Variants in SPAG17 observed in about 807,000 individuals in gnomAD.
SPAG17 encodes sperm-associated antigen 17.
A neutral mutation model predicts 273.6 loss-of-function variants in SPAG17; 169 were observed. The ratio of observed to expected loss-of-function variants is 0.62; its 90% CI spans 0.55 to 0.70. The LOEUF (loss-of-function observed/expected upper bound fraction) is 0.70, where lower values mean the gene tolerates loss of function less well. Among genes scored for constraint, SPAG17 ranks in the 30% least tolerant of loss-of-function variants. The probability of loss-of-function intolerance (pLI) is 0.00; values close to 1 mark genes in which losing one functional copy is unlikely to be tolerated. For synonymous variants in SPAG17, 825 were observed against 873.2 expected, an observed-to-expected ratio of 0.94 and a Z score of 0.97; for missense variants, 2,557 against 2,627.8, an observed-to-expected ratio of 0.97 and a Z score of 0.59.
At chr1:117,958,563 T>C (rs1021798779) in intron 48 of SPAG17, among the ~76,000 whole-genome samples, 8 of 152,138 alleles carry the variant, frequency 5.3e-5, no homozygotes, top group African/African-American at 1.9e-4. Context: ...TAATGCATCT[T>C]TGTTAAGTTA....
intron 28 of SPAG17, 72 bp from the exon 29 acceptor site, chr1:118,016,254 T>C (rs1659968806): frequency 8.1e-7 from 1 of 1,233,010 alleles, no homozygotes; most frequent in Non-Finnish European, 1.2e-6. Context: ...ATTCACTATG[T>C]TTTGACACAG....
In SPAG17 at chr1:118,151,382, A is replaced by T; in HGVS notation, c.88-13T>A. ...CCTGCCAATCGTTCTATTAAAAATC[A>T]GACGGAATTAGATTTTAAATATTCC... On this transcript the variant is annotated splice_polypyrimidine_tract_variant and intron_variant, in intron 1 of 48. Transcript: ENST00000336338. 1 of 1,609,520 alleles carries T rather than the reference A, an allele frequency of 6.2e-7. No homozygotes were observed. The highest frequency in any genetic ancestry group is 8.5e-7 in the Non-Finnish European group (1 of 1,177,014).
rs1571077829 is a variant in SPAG17, at chr1:117,965,381, C to T, written c.6532+1228G>A. ...GTTCCTTGCCCATACATTCAGCCAT[C>T]ACCTCTGTGTAAACGATGCTTAAAA... On this transcript the variant is annotated intron_variant, in intron 47 of 48. Coordinates refer to ENST00000336338, the MANE Select transcript of SPAG17 (RefSeq NM_206996.4). 4 of 152,360 alleles carry T rather than the reference C, an allele frequency of 2.6e-5. No homozygotes were observed. The South Asian group carries it at 8.3e-4, about 32-fold the overall frequency. The allele number at this position is 152,360 out of a possible 1,614,324, so 9.4% of individuals were successfully genotyped here.
intron 3 of SPAG17, among the ~76,000 whole-genome samples, chr1:118,148,625 A>T (rs775143535): frequency 2.0e-5 from 3 of 152,226 alleles, no homozygotes; most frequent in Non-Finnish European, 4.4e-5. Context: ...ACAATCCTCT[A>T]GCTAGACAGA....
chr1:118,162,657 T>C (rs1659986013), intron 1 of SPAG17, among the ~76,000 whole-genome samples: 1 of 152,232 alleles, frequency 6.6e-6, no homozygotes, highest in Non-Finnish European at 1.5e-5. Context: ...ATTTACTACG[T>C]GGGTACCTAC....
chr1:118,100,388 G>T (rs1347282212), intron 5 of SPAG17, among the ~76,000 whole-genome samples: 1 of 151,882 alleles, frequency 6.6e-6, no homozygotes, highest in African/African-American at 2.4e-5. Context: ...CCTTTATTTG[G>T]CCCTGGTTAT....
intron 32 of SPAG17, among the ~76,000 whole-genome samples, chr1:118,005,103 T>G (rs1658737743): frequency 6.6e-6 from 1 of 152,220 alleles, no homozygotes; most frequent in Non-Finnish European, 1.5e-5. Flanking sequence ...TAAGGACCAT[T>G]GCCACATCAT....
At position 118,069,344 on chromosome 1, in the gene SPAG17, C is replaced by CAAAAAAAAAAAA. The variant is rs563980015; in HGVS notation, c.2386-2457_2386-2446dup. ...TAAGCGACAGAGTGAGACTCCGTCT[C>CAAAAAAAAAAAA]AAAAAAAAAAAAAAGTGGTGGTAGC... On this transcript the variant is annotated intron_variant, in intron 17 of 48. Transcript: ENST00000336338. Among the ~76,000 whole-genome samples, 29 of 86,138 alleles carry CAAAAAAAAAAAA rather than the reference C, an allele frequency of 3.4e-4. 4 individuals are homozygous for CAAAAAAAAAAAA. The highest frequency in any genetic ancestry group is 5.9e-4 in the East Asian group (2 of 3,366). The allele number at this position is 86,138 out of a possible 152,430, so 56.5% of individuals were successfully genotyped here.
intron 3 of SPAG17, among the ~76,000 whole-genome samples, chr1:118,143,555 C>CA (rs1172062543): frequency 1.4e-4 from 20 of 147,264 alleles, no homozygotes; most frequent in South Asian, 1.3e-3. Flanking sequence ...AAAAGCCAGC[C>CA]AAAAAAAAAG....
At position 118,039,413 on chromosome 1, in the gene SPAG17, C is replaced by T; in HGVS notation, c.3198G>A (p.Lys1066=). 1 of 1,613,288 alleles carries T rather than the reference C, an allele frequency of 6.2e-7. No homozygotes were observed. The highest frequency in any genetic ancestry group is 8.5e-7 in the Non-Finnish European group (1 of 1,179,578). ...GPTFIKVRVV[K]DNHNFMIHLN... is the part of the protein sequence containing the mutation. Reference sequence around the variant, plus strand: ...AATGAATCATAAAATTGTGGTTGTCCTTTACCACTCTCACTTTGATAAAAG... The same window carrying T: ...AATGAATCATAAAATTGTGGTTGTCTTTTACCACTCTCACTTTGATAAAAG... Residue 1066 remains lysine (K), a synonymous_variant, in exon 23 of 49, where the codon AAG becomes AAA. Coordinates refer to ENST00000336338, the MANE Select transcript of SPAG17 (RefSeq NM_206996.4).
chr1:117,972,065 AT>A lies in SPAG17; in HGVS notation c.6142-19del. On this transcript the variant is annotated intron_variant, in intron 44 of 48. Coordinates refer to ENST00000336338, the MANE Select transcript of SPAG17 (RefSeq NM_206996.4). ...TCTTGCACCTTTGCATTAAGAAAAAATTAATAAAATGGTTCTATTTTGAGTT... is the reference window on the plus strand; with the variant it reads ...TCTTGCACCTTTGCATTAAGAAAAAATAATAAAATGGTTCTATTTTGAGTT... 1 of 1,586,422 alleles carries A rather than the reference AT, an allele frequency of 6.3e-7. No homozygotes were observed. Among genetic ancestry groups the A allele is most frequent in the East Asian group, 2.2e-5 (1 of 44,610 alleles).
chr1:117,979,923 T>G (rs974893546), intron 43 of SPAG17, among the ~76,000 whole-genome samples: 17 of 152,338 alleles, frequency 1.1e-4, no homozygotes, highest in Admixed American at 1.1e-3. Flanking sequence ...CAAGTCACTG[T>G]CCATACATTG....
At position 118,081,089 on chromosome 1, in the gene SPAG17, A is replaced by T. The variant is rs1557996679; in HGVS notation, c.2209+12T>A. On this transcript the variant is annotated intron_variant, in intron 15 of 48. Coordinates refer to ENST00000336338, the MANE Select transcript of SPAG17 (RefSeq NM_206996.4). ...CACACACACACACACACACACACAC[A>T]CTTTAACTTACCCAGAGACTCATGT... 3 of 1,556,350 alleles carry T rather than the reference A, an allele frequency of 1.9e-6. No individual in the cohort carries two copies. Among genetic ancestry groups the T allele is most frequent in the East Asian group, 2.3e-5 (1 of 44,136 alleles).
intron 4 of SPAG17, among the ~76,000 whole-genome samples, chr1:118,110,471 C>A (rs1656690959): frequency 6.6e-6 from 1 of 152,134 alleles, no homozygotes; most frequent in South Asian, 2.1e-4. Context: ...GACTTTAGTA[C>A]TAGATCAGCC....
intron 26 of SPAG17, among the ~76,000 whole-genome samples, chr1:118,026,580 C>G (rs779046678): frequency 7.2e-5 from 11 of 152,238 alleles, no homozygotes; most frequent in Non-Finnish European, 8.8e-5. Context: ...CCTTCACAAT[C>G]CTTTAAAATA....
chr1:118,181,474 A>C (rs1253379355), intron 1 of SPAG17, among the ~76,000 whole-genome samples: 3 of 152,132 alleles, frequency 2.0e-5, no homozygotes, highest in Non-Finnish European at 4.4e-5. Context: ...GCAAATATTA[A>C]TAGTAACCAA....
intron 3 of SPAG17, among the ~76,000 whole-genome samples, chr1:118,139,870 T>C (rs1210503088): frequency 3.9e-5 from 6 of 152,122 alleles, no homozygotes; most frequent in Non-Finnish European, 8.8e-5. Flanking sequence ...TTAATCCCCA[T>C]TGTGGCAGTA....
intron 18 of SPAG17, among the ~76,000 whole-genome samples, chr1:118,065,779 G>C (rs937596735): frequency 5.3e-5 from 8 of 151,732 alleles, no homozygotes; most frequent in African/African-American, 1.9e-4. Context: ...TAGCAAACTA[G>C]AAATAGTTTT....
intron 34 of SPAG17, among the ~76,000 whole-genome samples, chr1:117,995,338 T>C (rs762931255): frequency 6.6e-6 from 1 of 152,078 alleles, no homozygotes; most frequent in Non-Finnish European, 1.5e-5. Context: ...AGTTAACATC[T>C]ATCTCTCCCA....
Sources: gnomAD v4.1 joint callset for allele counts (sites outside exome capture counted in the v4.1 genomes callset) on GRCh38, gnomAD v4.1.1 for gene constraint, MANE v1.5 for transcripts, NCBI Gene and HGNC (gene_info 2026-07-23, HGNC 2026-07-21) for gene names.